Variants in DACH1 observed in about 807,000 individuals in gnomAD.
DACH1 encodes the protein dachshund family transcription factor 1, also known as dachshund homolog 1.
DACH1 carries 12 observed loss-of-function variants against 54.2 expected under a neutral mutation model. The ratio of observed to expected loss-of-function variants is 0.22; its 90% CI spans 0.14 to 0.36. The LOEUF is 0.36. Among genes scored for constraint, DACH1 ranks in the 10% least tolerant of loss-of-function variants. DACH1 has a pLI of 1.00. For missense variants in DACH1, 805 were observed against 929.8 expected (o/e 0.87, Z 1.75); for synonymous variants, 386 against 366.2 (o/e 1.05, Z -0.62).
At chr13:71,837,409 T>G (rs78107537) in intron 1 of DACH1, among the ~76,000 whole-genome samples, 3 of 55,240 alleles carry the variant, frequency 5.4e-5, no homozygotes, top group Non-Finnish European at 8.6e-5. Context: ...AAAATATGGG[T>G]TTTTTTTAAC....
At chr13:71,551,100 T>C (rs774291600) in intron 6 of DACH1, among the ~76,000 whole-genome samples, 56 of 152,200 alleles carry the variant, frequency 3.7e-4, no homozygotes, top group Non-Finnish European at 2.8e-4. Flanking sequence ...ATGTAATATT[T>C]AGTATTGATT....
chr13:71,779,181 ATATATACG>A (rs1465256713), intron 1 of DACH1, among the ~76,000 whole-genome samples: 11 of 130,874 alleles, frequency 8.4e-5, no homozygotes, highest in Middle Eastern at 3.5e-3. Flanking sequence ...ATATATACAC[ATATATACG>A]TATATACGTA....
intron 10 of DACH1, among the ~76,000 whole-genome samples, chr13:71,473,770 T>C (rs1033432813): frequency 2.0e-4 from 31 of 152,306 alleles, no homozygotes; most frequent in African/African-American, 7.5e-4. Context: ...TATGGGCTCA[T>C]GTGCTTTCTG....
At chr13:71,653,408 G>A (rs1878819889) in intron 2 of DACH1, among the ~76,000 whole-genome samples, 1 of 152,066 alleles carries the variant, frequency 6.6e-6, no homozygotes, top group African/African-American at 2.4e-5. Flanking sequence ...TTCAGCTCCA[G>A]TGCTGCTCCC....
chr13:71,617,234 C>T (rs2138532010), intron 3 of DACH1, among the ~76,000 whole-genome samples: 1 of 152,262 alleles, frequency 6.6e-6, no homozygotes, highest in East Asian at 1.9e-4. Flanking sequence ...AGACCTATTT[C>T]TTAGAACTCA....
intron 2 of DACH1, among the ~76,000 whole-genome samples, chr13:71,631,548 C>T (rs944105446): frequency 1.3e-5 from 2 of 152,156 alleles, no homozygotes; most frequent in Non-Finnish European, 2.9e-5. Context: ...GTAATGAAAG[C>T]TAACACTTAG....
intron 1 of DACH1, among the ~76,000 whole-genome samples, chr13:71,859,409 G>A (rs1440019797): frequency 3.3e-5 from 5 of 151,858 alleles, no homozygotes; most frequent in Non-Finnish European, 7.4e-5. Context: ...GTCATTATAT[G>A]TGATGTGACA....
At chr13:71,550,608 C>A (rs1883751610) in intron 6 of DACH1, among the ~76,000 whole-genome samples, 1 of 152,082 alleles carries the variant, frequency 6.6e-6, no homozygotes, top group African/African-American at 2.4e-5. Context: ...GTATTTTCCT[C>A]AATTGTCATT....
At position 71,731,290 on chromosome 13, in the gene DACH1, CTT is replaced by C. The variant is rs1201969481; in HGVS notation, c.849-49382_849-49381del. On this transcript the variant is annotated intron_variant, in intron 1 of 10. Coordinates refer to ENST00000613252, the MANE Select transcript of DACH1 (RefSeq NM_080759.6). The stretch of plus-strand genomic sequence containing the variant: ...CTCTTTTCCTTGGTTTCTTGATCTT[CTT>C]TTTTTTTTTTTTTTTTGGAGACAGA... 5.3e-3 allele frequency among the ~76,000 whole-genome samples: 688 copies of C among 131,000 alleles called. 2 individuals are homozygous for C. Among genetic ancestry groups the C allele is most frequent in the African/African-American group, 0.018 (629 of 35,050 alleles). The allele number at this position is 131,000 out of a possible 152,430, so 85.9% of individuals were successfully genotyped here.
intron 1 of DACH1, among the ~76,000 whole-genome samples, chr13:71,728,740 G>T (rs1245499614): frequency 6.6e-6 from 1 of 151,952 alleles, no homozygotes; most frequent in East Asian, 1.9e-4. Context: ...ACTACTGAGT[G>T]TATTGTCTGT....
chr13:71,756,523 T>TG (rs1032242705), intron 1 of DACH1, among the ~76,000 whole-genome samples: 9 of 131,342 alleles, frequency 6.9e-5, no homozygotes, highest in African/African-American at 1.8e-4. Flanking sequence ...TTCAAAACAA[T>TG]GAAAAAAAAA....
chr13:71,807,092 G>A (rs906051483), intron 1 of DACH1, among the ~76,000 whole-genome samples: 1 of 152,146 alleles, frequency 6.6e-6, no homozygotes, highest in African/African-American at 2.4e-5. Flanking sequence ...CTGGCACTTT[G>A]CAGTTTTGCC....
At position 71,440,548 on chromosome 13, in the gene DACH1, T is replaced by C. The variant is rs1311397968; in HGVS notation, c.*107A>G. Reference sequence around the variant, plus strand: ...TTTAAAGAACATTAATACACAAAATTCAGGAAGTTCCCTTAAAAGGACTTT... The same window carrying C: ...TTTAAAGAACATTAATACACAAAATCCAGGAAGTTCCCTTAAAAGGACTTT... On this transcript the variant is annotated 3_prime_UTR_variant, in exon 11 of 11. Coordinates refer to ENST00000613252, the MANE Select transcript of DACH1 (RefSeq NM_080759.6). The C allele has an allele frequency of 2.3e-5, 20 of 858,274 alleles. No individual in the cohort carries two copies. Among genetic ancestry groups the C allele is most frequent in the Non-Finnish European group, 3.5e-5 (19 of 542,430 alleles). 53.2% of individuals were successfully genotyped at this position (858,274 alleles called of 1,614,324 possible). A position where few individuals can be genotyped will look rare whatever the true frequency, so the allele number is the denominator to read the frequency against.
At chr13:71,631,094 C>T (rs1015809559) in intron 2 of DACH1, among the ~76,000 whole-genome samples, 1 of 152,180 alleles carries the variant, frequency 6.6e-6, no homozygotes, top group African/African-American at 2.4e-5. Context: ...TCCACAAGGC[C>T]TTTCACAAGG....
At chr13:71,475,387 C>T (rs544738593) in intron 9 of DACH1, among the ~76,000 whole-genome samples, 178 bp from the exon 10 acceptor site, 1 of 152,178 alleles carries the variant, frequency 6.6e-6, no homozygotes, top group South Asian at 2.1e-4. Context: ...GAACAGTAAG[C>T]AATGCAACAT....
At chr13:71,772,315 T>C (rs1474917638) in intron 1 of DACH1, among the ~76,000 whole-genome samples, 2 of 151,810 alleles carry the variant, frequency 1.3e-5, no homozygotes, top group East Asian at 1.9e-4. Flanking sequence ...GTTAAAGCAT[T>C]TGTGTGTATT....
At chr13:71,711,183 T>G (rs1260198418) in intron 1 of DACH1, among the ~76,000 whole-genome samples, 1 of 152,012 alleles carries the variant, frequency 6.6e-6, no homozygotes, top group East Asian at 1.9e-4. Context: ...TGGCCAATAA[T>G]AAATTCAGAA....
At chr13:71,847,019 C>A (rs1352802581) in intron 1 of DACH1, among the ~76,000 whole-genome samples, 1 of 151,984 alleles carries the variant, frequency 6.6e-6, no homozygotes, top group East Asian at 1.9e-4. Context: ...CATTTGGTGA[C>A]CTTTCATAAC....
intron 6 of DACH1, among the ~76,000 whole-genome samples, chr13:71,530,389 T>G (rs936327603): frequency 5.3e-5 from 8 of 152,202 alleles, no homozygotes; most frequent in African/African-American, 1.9e-4. Context: ...TTAAAACATT[T>G]TATCTTATTC....
Sources: allele counts gnomAD v4.1 joint callset (sites outside exome capture counted in the v4.1 genomes callset), GRCh38; gene constraint gnomAD v4.1.1; transcripts MANE v1.5; gene names NCBI Gene and HGNC (gene_info 2026-07-23, HGNC 2026-07-21).